Variants in CAMK1D observed in about 807,000 individuals in gnomAD.
CAMK1D encodes the protein calcium/calmodulin dependent protein kinase ID.
Under a neutral mutation model 47.7 loss-of-function variants are expected in CAMK1D, and 9 were observed. The observed-to-expected ratio is 0.19, with a 90% confidence interval of 0.11 to 0.33. The LOEUF (loss-of-function observed/expected upper bound fraction) is 0.33. Ranked by LOEUF, CAMK1D falls within the 10% of genes least tolerant of loss-of-function variation. The pLI, the probability that CAMK1D is intolerant of heterozygous loss-of-function variation, is 1.00. For missense variants in CAMK1D, 291 were observed against 488.7 expected (o/e 0.60, Z 3.81); for synonymous variants, 184 against 184.9 (o/e 0.99, Z 0.04).
intron 1 of CAMK1D, among the ~76,000 whole-genome samples, 190 bp downstream of exon 1, chr10:12,350,100 C>T (rs912684061): frequency 6.6e-6 from 1 of 151,890 alleles, no homozygotes; most frequent in African/African-American, 2.4e-5. Flanking sequence ...CCCGGGTGGG[C>T]GCCGTTCCCG....
chr10:12,649,201 T>C (rs983748885), intron 2 of CAMK1D, among the ~76,000 whole-genome samples: 2 of 152,236 alleles, frequency 1.3e-5, no homozygotes, highest in Non-Finnish European at 2.9e-5. Context: ...CTTTGCCAAG[T>C]TGGCGTACAC....
chr10:12,745,554 T>TGTTTTA (rs1835632430), intron 3 of CAMK1D, among the ~76,000 whole-genome samples: 2 of 152,212 alleles, frequency 1.3e-5, no homozygotes, highest in Non-Finnish European at 2.9e-5. Context: ...TATGGATTTT[T>TGTTTTA]GTTTTAGTTT....
chr10:12,798,144 C>A (rs751210157), intron 6 of CAMK1D, among the ~76,000 whole-genome samples: 3 of 152,190 alleles, frequency 2.0e-5, no homozygotes, highest in South Asian at 2.1e-4. Flanking sequence ...CCCTGAATGG[C>A]GTGGCTTCAG....
At chr10:12,822,633 G>A (rs1437639140) in intron 8 of CAMK1D, among the ~76,000 whole-genome samples, 1 of 152,206 alleles carries the variant, frequency 6.6e-6, no homozygotes, top group East Asian at 1.9e-4. Flanking sequence ...AGGAATTCCA[G>A]ACTCCCCACC....
chr10:12,443,703 CACT>C (rs1186569461), intron 1 of CAMK1D, among the ~76,000 whole-genome samples: 1 of 151,996 alleles, frequency 6.6e-6, no homozygotes, highest in African/African-American at 2.4e-5. Context: ...GATCTTGGCT[CACT>C]ACAGCCTCCG....
intron 1 of CAMK1D, among the ~76,000 whole-genome samples, chr10:12,412,599 G>A (rs890677636): frequency 2.0e-5 from 3 of 148,978 alleles, no homozygotes; most frequent in Non-Finnish European, 4.5e-5. Context: ...CTCCAGCCTG[G>A]GCAACAAGAG....
chr10:12,482,226 C>T (rs1366890032), intron 1 of CAMK1D, among the ~76,000 whole-genome samples: 4 of 152,204 alleles, frequency 2.6e-5, no homozygotes, highest in Admixed American at 2.0e-4. Context: ...TTTCTTCACC[C>T]CACCCCTGCC....
intron 1 of CAMK1D, among the ~76,000 whole-genome samples, chr10:12,375,009 C>A (rs1433326621): frequency 6.6e-6 from 1 of 150,712 alleles, no homozygotes; most frequent in African/African-American, 2.4e-5. Flanking sequence ...GTTGCCCAGG[C>A]TGGTCTTGAA....
intron 1 of CAMK1D, among the ~76,000 whole-genome samples, chr10:12,388,827 G>A (rs1243051868): frequency 1.3e-5 from 2 of 152,166 alleles, no homozygotes; most frequent in African/African-American, 2.4e-5. Flanking sequence ...TTAGGAAGTC[G>A]TGAGATGCAG....
At chr10:12,627,234 A>C (rs1217274297) in intron 2 of CAMK1D, among the ~76,000 whole-genome samples, 1 of 151,782 alleles carries the variant, frequency 6.6e-6, no homozygotes, top group African/African-American at 2.4e-5. Flanking sequence ...GGTGCCTGCC[A>C]CCACGCCCAG....
intron 1 of CAMK1D, among the ~76,000 whole-genome samples, chr10:12,401,585 G>A (rs1839225754): frequency 6.6e-6 from 1 of 151,370 alleles, no homozygotes; most frequent in African/African-American, 2.4e-5. Flanking sequence ...TGGAGGGGCT[G>A]GCAGATAGGG....
chr10:12,424,720 G>T (rs907664683), intron 1 of CAMK1D, among the ~76,000 whole-genome samples: 3 of 152,078 alleles, frequency 2.0e-5, no homozygotes, highest in Non-Finnish European at 4.4e-5. Flanking sequence ...GAGGCAAGAG[G>T]ATCACTTGAG....
chr10:12,427,985 T>C (rs991210640), intron 1 of CAMK1D, among the ~76,000 whole-genome samples: 1 of 151,878 alleles, frequency 6.6e-6, no homozygotes, highest in Non-Finnish European at 1.5e-5. Flanking sequence ...GGATTACAGG[T>C]ATGAGCCACT....
intron 2 of CAMK1D, among the ~76,000 whole-genome samples, chr10:12,570,154 C>T (rs4367849): frequency 0.25 from 38,671 of 151,748 alleles, 5,899 homozygotes; most frequent in Non-Finnish European, 0.33. Flanking sequence ...GACCTGAGAT[C>T]GCGCCACTGC....
Position 12,663,152 on chromosome 10 carries a change from G to T in CAMK1D, c.225-3584G>T, listed in dbSNP as rs138713815. ...ATTTTTGTATTTTTAGTAGGAATGG[G>T]GTTTCACCATGTTGGCCAGGCTGGT... On this transcript the variant is annotated intron_variant, in intron 2 of 10. Transcript: ENST00000619168. Among the ~76,000 whole-genome samples the T allele has an allele frequency of 6.6e-4, 100 of 151,666 alleles. 1 individual carries two copies. In the East Asian group the frequency reaches 0.019, roughly 29 times the overall value.
chr10:12,525,234 T>C (rs1328396248), intron 1 of CAMK1D, among the ~76,000 whole-genome samples: 1 of 152,252 alleles, frequency 6.6e-6, no homozygotes, highest in African/African-American at 2.4e-5. Flanking sequence ...TTGCTTGGGA[T>C]TTGATGAACT....
intron 3 of CAMK1D, among the ~76,000 whole-genome samples, chr10:12,720,477 A>C (rs723210): frequency 0.46 from 70,235 of 152,042 alleles, 16,347 homozygotes; most frequent in Middle Eastern, 0.58. Flanking sequence ...TTCTTCCAAC[A>C]AGTTACTTCT....
At chr10:12,708,182 G>A (rs1054338056) in intron 3 of CAMK1D, among the ~76,000 whole-genome samples, 5 of 152,180 alleles carry the variant, frequency 3.3e-5, no homozygotes, top group Non-Finnish European at 7.3e-5. Flanking sequence ...GAGGTTCCAC[G>A]TATGCACCTC....
rs567815496 is a variant in CAMK1D at position 12,639,164 on chromosome 10, G to C, written c.225-27572G>C. Among the ~76,000 whole-genome samples, 101 of 152,344 alleles carry C rather than the reference G, an allele frequency of 6.6e-4. 1 individual carries two copies. Among genetic ancestry groups the C allele is most frequent in the Non-Finnish European group, 1.2e-3 (81 of 68,026 alleles). On this transcript the variant is annotated intron_variant, in intron 2 of 10. Coordinates refer to ENST00000619168, the MANE Select transcript of CAMK1D (RefSeq NM_153498.4). Reference sequence around the variant, plus strand: ...GAGAAAGTCCCCTTTCTATTTTCCTGCTTTAGCAATATAGAGAAGCTTTTA... The same window carrying C: ...GAGAAAGTCCCCTTTCTATTTTCCTCCTTTAGCAATATAGAGAAGCTTTTA...
Sources: gnomAD v4.1 joint callset for allele counts (sites outside exome capture counted in the v4.1 genomes callset) on GRCh38, gnomAD v4.1.1 for gene constraint, MANE v1.5 for transcripts, NCBI Gene and HGNC (gene_info 2026-07-23, HGNC 2026-07-21) for gene names.